The following ARHGEF10L variants were observed in gnomAD, a reference collection of about 807,000 sequenced individuals.
ARHGEF10L encodes rho guanine nucleotide exchange factor 10-like protein.
Under a neutral mutation model 141.2 loss-of-function variants are expected in ARHGEF10L, and 69 were observed. The ratio of observed to expected loss-of-function variants is 0.49; its 90% CI spans 0.40 to 0.60. The LOEUF (loss-of-function observed/expected upper bound fraction) is 0.60. Ranked by LOEUF, ARHGEF10L falls within the 20% of genes least tolerant of loss-of-function variation. The pLI, the probability that ARHGEF10L is intolerant of heterozygous loss-of-function variation, is 0.00. For synonymous variants in ARHGEF10L, 711 were observed against 718.5 expected (o/e 0.99, Z 0.17); for missense variants, 1,482 against 1,734.3 (o/e 0.85, Z 2.58).
chr1:17,582,231 A>G (rs2078632650), intron 2 of ARHGEF10L, among the ~76,000 whole-genome samples: 1 of 152,050 alleles, frequency 6.6e-6, no homozygotes, highest in African/African-American at 2.4e-5. Flanking sequence ...GCCTTGCCCC[A>G]TCCCGCCCCT....
intron 22 of ARHGEF10L, among the ~76,000 whole-genome samples, chr1:17,650,694 C>T (rs2061864772): frequency 6.7e-6 from 1 of 148,444 alleles, no homozygotes; most frequent in African/African-American, 2.5e-5. Flanking sequence ...AATCATGCCA[C>T]TGCATTCCAG....
intron 26 of ARHGEF10L, among the ~76,000 whole-genome samples, chr1:17,669,942 G>C (rs2063211474): frequency 6.6e-6 from 1 of 152,258 alleles, no homozygotes; most frequent in Non-Finnish European, 1.5e-5. Context: ...TCCCAGAGGA[G>C]GCGAGAGGGG....
Position 17,654,698 on chromosome 1 carries a change from C to T in ARHGEF10L, c.2457C>T (p.Thr819=). 1 of 1,614,194 alleles carries T rather than the reference C, an allele frequency of 6.2e-7. No homozygotes were observed. The highest frequency in any genetic ancestry group is 1.1e-5 in the South Asian group (1 of 91,086). Residue 819 remains threonine, a synonymous_variant, in exon 23 of 29, where the codon ACC becomes ACT. Coordinates refer to ENST00000361221, the MANE Select transcript of ARHGEF10L (RefSeq NM_018125.4). The surrounding 1 kb of genome is among the most constrained non-coding windows in gnomAD (Gnocchi z 4.3). ...CPLLGFSAVS[T]SLPQGYLWVG... is the part of the protein sequence containing the mutation. ...TGCTGGGTTTCTCAGCAGTCAGCAC[C>T]TCCCTTCCACAGGGCTACCTCTGGG...
intron 25 of ARHGEF10L, among the ~76,000 whole-genome samples, chr1:17,662,984 A>G (rs2062723452): frequency 6.6e-6 from 1 of 152,184 alleles, no homozygotes; most frequent in Admixed American, 6.5e-5. Context: ...AGAGCATGCC[A>G]TGGCCCAGGC....
At chr1:17,638,109 G>C in intron 19 of ARHGEF10L, 106 bp downstream of exon 19, 1 of 997,610 alleles carries the variant, frequency 1.0e-6, no homozygotes, top group Non-Finnish European at 1.5e-6. Flanking sequence ...CCATGTCCCC[G>C]ATGTGCTCCT....
At chr1:17,634,221 G>A (rs754777251) in intron 16 of ARHGEF10L, 24 of 473,274 alleles carry the variant, frequency 5.1e-5, no homozygotes, top group Middle Eastern at 5.6e-4. Flanking sequence ...TTGCTCTAGC[G>A]CAAAGTGCAA....
At chr1:17,616,263 TG>T in intron 9 of ARHGEF10L, 61 bp downstream of exon 9, 1 of 709,826 alleles carries the variant, frequency 1.4e-6, no homozygotes, top group Non-Finnish European at 2.4e-6. Flanking sequence ...TCGGGGAGGG[TG>T]GGATTTTGCT....
chr1:17,665,099 C>T (rs548768970), intron 26 of ARHGEF10L, among the ~76,000 whole-genome samples: 204 of 152,306 alleles, frequency 1.3e-3, no homozygotes, highest in Non-Finnish European at 2.6e-3. Flanking sequence ...AGCCTAGGCC[C>T]GTGCCTGTCT....
chr1:17,549,991 CT>C (rs2077052526), intron 1 of ARHGEF10L, among the ~76,000 whole-genome samples: 2 of 152,118 alleles, frequency 1.3e-5, no homozygotes, highest in African/African-American at 4.8e-5. Flanking sequence ...ACTGATTTAC[CT>C]TTGCAAAAGA....
chr1:17,688,587 G>A (rs2064814228), intron 27 of ARHGEF10L, among the ~76,000 whole-genome samples: 1 of 152,218 alleles, frequency 6.6e-6, no homozygotes, highest in Admixed American at 6.5e-5. Flanking sequence ...GCTGGGTTCA[G>A]CAGCTGGGAG....
chr1:17,637,903 G>GC lies in ARHGEF10L; in HGVS notation c.1949dup (p.Arg651ThrfsTer80). The GC allele has an allele frequency of 1.9e-6, 3 of 1,590,916 alleles. No individual in the cohort carries two copies. Among genetic ancestry groups the GC allele is most frequent in the African/African-American group, 1.3e-5 (1 of 74,664 alleles). On this transcript the variant is annotated frameshift_variant, in exon 19 of 29. Transcript: ENST00000361221. LOFTEE classifies it high-confidence loss of function. ...CTCTGCCCAGATAAGGTGTACCTCGGCCCCCCACGCCTCTTCCAGGAGCTG... is the reference window on the plus strand; with the variant it reads ...CTCTGCCCAGATAAGGTGTACCTCGGCCCCCCCACGCCTCTTCCAGGAGCTG...
chr1:17,540,561 C>A (rs915171211), intron 1 of ARHGEF10L, among the ~76,000 whole-genome samples: 1 of 152,172 alleles, frequency 6.6e-6, no homozygotes, highest in Non-Finnish European at 1.5e-5. Flanking sequence ...GACCAGCCCC[C>A]CTGGAGTCGC....
intron 1 of ARHGEF10L, among the ~76,000 whole-genome samples, chr1:17,576,639 A>G (rs1277886698): frequency 6.6e-6 from 1 of 152,160 alleles, no homozygotes; most frequent in African/African-American, 2.4e-5. Flanking sequence ...CCCCATGGTA[A>G]CAGAGGCCCC....
chr1:17,643,850 G>A (rs1263131785), intron 21 of ARHGEF10L, among the ~76,000 whole-genome samples: 4 of 152,180 alleles, frequency 2.6e-5, no homozygotes, highest in African/African-American at 4.8e-5. Context: ...GAGGTCACAC[G>A]CGATTTAGTA....
chr1:17,573,688 C>A lies in ARHGEF10L; in HGVS notation c.-43-6865C>A, dbSNP rs1024344475. ...CTTCTCCAGGCTGGCTCTGGTTTCCCAGGCAACAGCCCCCAGGGGTCCCCT... is the reference window on the plus strand; with the variant it reads ...CTTCTCCAGGCTGGCTCTGGTTTCCAAGGCAACAGCCCCCAGGGGTCCCCT... On this transcript the variant is annotated intron_variant, in intron 1 of 28. Transcript: ENST00000361221. This position sits in a 1 kb window ranked among gnomAD's most constrained non-coding sequence, Gnocchi z 4.8. 1.3e-5 allele frequency among the ~76,000 whole-genome samples: 2 copies of A among 152,034 alleles called. No homozygotes were observed. The highest frequency in any genetic ancestry group is 3.9e-4 in the East Asian group (2 of 5,146).
At chr1:17,597,656 C>T (rs1411466528) in intron 4 of ARHGEF10L, among the ~76,000 whole-genome samples, 1 of 152,168 alleles carries the variant, frequency 6.6e-6, no homozygotes, top group Non-Finnish European at 1.5e-5. Context: ...GATAGATCAC[C>T]GGGGTTCAAA....
At position 17,623,544 on chromosome 1, in the gene ARHGEF10L, A is replaced by G. The variant is rs2060220043; in HGVS notation, c.1200+369A>G. Reference sequence around the variant, plus strand: ...GTGTGAAATGCTGTGAAAGACCACAACTTTGGCCCGGAGAGGATGTGCCGC... The same window carrying G: ...GTGTGAAATGCTGTGAAAGACCACAGCTTTGGCCCGGAGAGGATGTGCCGC... On this transcript the variant is annotated intron_variant, in intron 12 of 28. Coordinates refer to ENST00000361221, the MANE Select transcript of ARHGEF10L (RefSeq NM_018125.4). This position sits in a 1 kb window ranked among gnomAD's most constrained non-coding sequence, Gnocchi z 4.7. 6.6e-6 allele frequency among the ~76,000 whole-genome samples: 1 copy of G among 152,132 alleles called. No homozygotes were observed. Among genetic ancestry groups the G allele is most frequent in the East Asian group, 1.9e-4 (1 of 5,158 alleles).
At chr1:17,523,004 A>T in the ARHGEF10L span, among the ~76,000 whole-genome samples, 1 of 151,934 alleles carries the variant, frequency 6.6e-6, no homozygotes, top group South Asian at 2.1e-4. Flanking sequence ...GCTGAGATGG[A>T]AGGATCTCCT....
intron 4 of ARHGEF10L, among the ~76,000 whole-genome samples, chr1:17,592,142 T>C (rs994149244): frequency 2.0e-5 from 3 of 152,176 alleles, no homozygotes; most frequent in African/African-American, 7.2e-5. Flanking sequence ...CAGCAGTGCC[T>C]GGGAAACGTG....
Sources: allele counts gnomAD v4.1 joint callset (sites outside exome capture counted in the v4.1 genomes callset), GRCh38; gene constraint gnomAD v4.1.1; non-coding constraint Gnocchi (gnomAD v3.1); transcripts MANE v1.5; gene names NCBI Gene and HGNC (gene_info 2026-07-23, HGNC 2026-07-21).